The following ADAMTS17 variants were observed in gnomAD, a reference collection of about 807,000 sequenced individuals.
ADAMTS17 encodes the protein A disintegrin and metalloproteinase with thrombospondin motifs 17.
Under a neutral mutation model 141.5 loss-of-function variants are expected in ADAMTS17, and 113 were observed. The observed-to-expected ratio is 0.80, with a 90% CI of 0.69 to 0.93. The LOEUF (loss-of-function observed/expected upper bound fraction) is 0.93, where lower values mean the gene tolerates loss of function less well. Ranked by LOEUF, ADAMTS17 falls within the 40% of genes least tolerant of loss-of-function variation. The probability of loss-of-function intolerance (pLI) is 0.00; values close to 1 mark genes in which losing one functional copy is unlikely to be tolerated. For missense variants in ADAMTS17, 1,659 were observed against 1,517.9 expected, an observed-to-expected ratio of 1.09 and a Z score of -1.54; for synonymous variants, 768 against 630.6, an observed-to-expected ratio of 1.22 and a Z score of -3.27.
At chr15:99,977,743 C>A (rs2060395360) in intron 20 of ADAMTS17, among the ~76,000 whole-genome samples, 1 of 151,902 alleles carries the variant, frequency 6.6e-6, no homozygotes, top group Admixed American at 6.6e-5. Context: ...AAGCATTTCC[C>A]AGGTAGGAAC....
intron 7 of ADAMTS17, among the ~76,000 whole-genome samples, chr15:100,204,956 T>C (rs563056193): frequency 6.6e-6 from 1 of 152,350 alleles, no homozygotes; most frequent in South Asian, 2.1e-4. Context: ...ACAGCAGTTA[T>C]GGCCTTGCAG....
In ADAMTS17 at chr15:100,157,304, A is replaced by G. The variant is rs1046915409; in HGVS notation, c.1182-1984T>C. ...TCCAATTGGCAGACACCCGTCCTCA[A>G]AGAAGAGGCTTTCCCTCTCCATTAC... On this transcript the variant is annotated intron_variant, in intron 8 of 21. Transcript: ENST00000268070. Among the ~76,000 whole-genome samples, 3 of 152,224 alleles carry G rather than the reference A, an allele frequency of 2.0e-5. No individual in the cohort carries two copies. In the East Asian group the frequency reaches 5.8e-4, roughly 29 times the overall value.
At chr15:100,052,587 C>T (rs984194722) in intron 16 of ADAMTS17, among the ~76,000 whole-genome samples, 1 of 152,156 alleles carries the variant, frequency 6.6e-6, no homozygotes, top group Admixed American at 6.5e-5. Context: ...TTGGTGTTTG[C>T]TAGAGAAAGC....
chr15:100,148,871 T>C (rs2039033515), intron 10 of ADAMTS17, among the ~76,000 whole-genome samples: 2 of 148,754 alleles, frequency 1.3e-5, no homozygotes, highest in Admixed American at 6.7e-5. Context: ...GAATTAGTCA[T>C]GTGGATAACT....
intron 2 of ADAMTS17, among the ~76,000 whole-genome samples, chr15:100,334,337 C>T (rs1441412167): frequency 6.6e-6 from 1 of 152,170 alleles, no homozygotes; most frequent in Non-Finnish European, 1.5e-5. Flanking sequence ...CAAAGTCACA[C>T]GATTCCACAA....
chr15:100,147,481 GTAC>G (rs893054912), intron 10 of ADAMTS17, among the ~76,000 whole-genome samples: 39 of 152,094 alleles, frequency 2.6e-4, no homozygotes, highest in African/African-American at 8.2e-4. Flanking sequence ...GCGTGGTACT[GTAC>G]TACTACTACT....
At chr15:100,083,616 C>T (rs532409655) in intron 15 of ADAMTS17, among the ~76,000 whole-genome samples, 38 of 152,094 alleles carry the variant, frequency 2.5e-4, no homozygotes, top group African/African-American at 9.2e-4. Flanking sequence ...TACCACAGAC[C>T]TAGCCTTGGA....
intron 12 of ADAMTS17, among the ~76,000 whole-genome samples, chr15:100,117,815 T>C (rs1038945680): frequency 2.0e-5 from 3 of 152,192 alleles, no homozygotes; most frequent in Non-Finnish European, 4.4e-5. Context: ...TGGAATAAGA[T>C]TTCTTATCCA....
chr15:100,275,956 CA>C (rs1209824607), intron 4 of ADAMTS17, among the ~76,000 whole-genome samples: 4 of 111,596 alleles, frequency 3.6e-5, no homozygotes, highest in African/African-American at 1.5e-4. Context: ...GCAGGCAGGT[CA>C]GCACACATGG....
intron 15 of ADAMTS17, among the ~76,000 whole-genome samples, chr15:100,068,627 T>C (rs557342705): frequency 5.0e-4 from 76 of 152,354 alleles, no homozygotes; most frequent in Non-Finnish European, 1.0e-3. Flanking sequence ...CTGCTGCTGA[T>C]ACCCAGGCCA....
intron 18 of ADAMTS17, among the ~76,000 whole-genome samples, chr15:100,031,618 T>A (rs1327546905): frequency 6.6e-6 from 1 of 152,204 alleles, no homozygotes; most frequent in African/African-American, 2.4e-5. Context: ...TGTCCCCTAA[T>A]GGGTAAATGC....
In ADAMTS17 at chr15:100,259,663, T is replaced by C. The variant is rs140066439; in HGVS notation, c.1031+1816A>G. 3.1e-3 allele frequency among the ~76,000 whole-genome samples: 468 copies of C among 152,364 alleles called. 3 individuals are homozygous for C. The highest frequency in any genetic ancestry group is 5.1e-3 in the Admixed American group (78 of 15,304). ...TATGATAGAGCTTATATATGGATTA[T>C]ATATTTAATCATATCCTGTAGAAGC... On this transcript the variant is annotated intron_variant, in intron 6 of 21. Transcript: ENST00000268070.
intron 15 of ADAMTS17, among the ~76,000 whole-genome samples, chr15:100,082,842 G>A (rs572020211): frequency 6.7e-6 from 1 of 148,292 alleles, no homozygotes; most frequent in African/African-American, 2.5e-5. Flanking sequence ...CCAGGAGGCT[G>A]CAGCTGGGTG....
chr15:100,134,329 A>G (rs1049453497), intron 10 of ADAMTS17, among the ~76,000 whole-genome samples: 2 of 152,218 alleles, frequency 1.3e-5, no homozygotes, highest in Admixed American at 6.5e-5. Flanking sequence ...CTTCCCAGAT[A>G]AACTACTTGC....
rs377409819 is a variant in ADAMTS17 at position 100,175,423 on chromosome 15, G to A, written c.1182-20103C>T. Among the ~76,000 whole-genome samples, 70 of 152,070 alleles carry A rather than the reference G, an allele frequency of 4.6e-4. 3 individuals carry two copies. Among genetic ancestry groups the A allele is most frequent in the Admixed American group, 4.1e-3 (63 of 15,278 alleles). ...TTTCACCGGACTGAGGCAGTAGAGCGCTCATGCATCTACAAACGTCGTATG... is the reference window on the plus strand; with the variant it reads ...TTTCACCGGACTGAGGCAGTAGAGCACTCATGCATCTACAAACGTCGTATG... On this transcript the variant is annotated intron_variant, in intron 8 of 21. Coordinates refer to ENST00000268070, the MANE Select transcript of ADAMTS17 (RefSeq NM_139057.4).
At chr15:100,107,606 G>C (rs904103950) in intron 14 of ADAMTS17, among the ~76,000 whole-genome samples, 24 of 152,222 alleles carry the variant, frequency 1.6e-4, no homozygotes, top group African/African-American at 5.3e-4. Flanking sequence ...TGTTTTGCGA[G>C]GTGACTGGGT....
rs2060730421 is a variant in ADAMTS17 at position 99,993,378 on chromosome 15, G to A, written c.2797-178C>T. 6.6e-6 allele frequency among the ~76,000 whole-genome samples: 1 copy of A among 152,190 alleles called. No individual in the cohort carries two copies. The highest frequency in any genetic ancestry group is 2.4e-5 in the African/African-American group (1 of 41,436). On this transcript the variant is annotated intron_variant, in intron 19 of 21. Coordinates refer to ENST00000268070, the MANE Select transcript of ADAMTS17 (RefSeq NM_139057.4). This position sits in a 1 kb window ranked among gnomAD's most constrained non-coding sequence, Gnocchi z 4.3. ...GGTCTTACGCACGTGGTCCCAGCTG[G>A]GGCCCCAGCCGAGTGGCCAGTGTTG...
rs538633250 is a variant in ADAMTS17, at chr15:100,054,990, T to C, written c.2138-936A>G. 1.4e-3 allele frequency among the ~76,000 whole-genome samples: 208 copies of C among 152,278 alleles called. 1 individual carries two copies. The highest frequency in any genetic ancestry group is 6.5e-3 in the Admixed American group (99 of 15,300). Reference sequence around the variant, plus strand: ...CTGCAGTGACATCCTATTTTGTTGCTGCTGTTATTTAGGGAAAAAAAAATC... The same window carrying C: ...CTGCAGTGACATCCTATTTTGTTGCCGCTGTTATTTAGGGAAAAAAAAATC... On this transcript the variant is annotated intron_variant, in intron 15 of 21. Transcript: ENST00000268070.
rs759130847 is a variant in ADAMTS17 at position 100,133,165 on chromosome 15, T to C, written c.1575+49A>G. ...TGTGTCAGAAGAGGTGCCAGTTGCC[T>C]GCAAGATGTGGAGCTGCCTGTTGGG... is the stretch of plus-strand genomic sequence containing the variant. On this transcript the variant is annotated intron_variant, in intron 11 of 21. Coordinates refer to ENST00000268070, the MANE Select transcript of ADAMTS17 (RefSeq NM_139057.4). 36 of 1,511,556 alleles carry C rather than the reference T, an allele frequency of 2.4e-5. 1 individual carries two copies. In the African/African-American group the frequency reaches 4.7e-4, roughly 20 times the overall value. 93.6% of individuals were successfully genotyped at this position (1,511,556 alleles called of 1,614,324 possible). A position where few individuals can be genotyped will look rare whatever the true frequency, so the allele number is the denominator to read the frequency against.
Sources: allele counts gnomAD v4.1 joint callset (sites outside exome capture counted in the v4.1 genomes callset), GRCh38; gene constraint gnomAD v4.1.1; non-coding constraint Gnocchi (gnomAD v3.1); transcripts MANE v1.5; gene names NCBI Gene and HGNC (gene_info 2026-07-23, HGNC 2026-07-21).